Variants in CDKAL1 observed in about 807,000 individuals in gnomAD.
CDKAL1 encodes CDKAL1 threonylcarbamoyladenosine tRNA methylthiotransferase, also known as threonylcarbamoyladenosine tRNA methylthiotransferase.
Under a neutral mutation model 68.2 loss-of-function variants are expected in CDKAL1, and 32 were observed. That is an observed-to-expected ratio of 0.47 (90% CI 0.35 to 0.63). The LOEUF (loss-of-function observed/expected upper bound fraction) is 0.63, where lower values mean the gene tolerates loss of function less well. Ranked by LOEUF, CDKAL1 falls within the 30% of genes least tolerant of loss-of-function variation. The pLI is 0.00. For synonymous variants in CDKAL1, 234 were observed against 244.3 expected (o/e 0.96, Z 0.39); for missense variants, 606 against 696.7 (o/e 0.87, Z 1.47).
intron 4 of CDKAL1, among the ~76,000 whole-genome samples, chr6:20,612,611 TGTTGA>T (rs1766669185): frequency 6.6e-6 from 1 of 152,116 alleles, no homozygotes; most frequent in South Asian, 2.1e-4. Flanking sequence ...TTTTTTTTGC[TGTTGA>T]GTTCCTTATA....
chr6:21,228,253 T>C (rs1779827683), intron 15 of CDKAL1, among the ~76,000 whole-genome samples: 1 of 152,192 alleles, frequency 6.6e-6, no homozygotes. Flanking sequence ...AAAATCTGGG[T>C]CCACTCCTGG....
intron 10 of CDKAL1, among the ~76,000 whole-genome samples, chr6:20,989,561 A>T (rs1347627893): frequency 6.6e-6 from 1 of 152,216 alleles, no homozygotes; most frequent in Non-Finnish European, 1.5e-5. Context: ...TATTTAAGAG[A>T]AGCCAATAAA....
chr6:21,138,765 C>T (rs191146557), intron 13 of CDKAL1, among the ~76,000 whole-genome samples: 1 of 152,156 alleles, frequency 6.6e-6, no homozygotes, highest in East Asian at 1.9e-4. Flanking sequence ...AATACATTAC[C>T]ATAAGACTTA....
chr6:20,606,076 T>C (rs1392118662), intron 4 of CDKAL1, among the ~76,000 whole-genome samples: 1 of 152,188 alleles, frequency 6.6e-6, no homozygotes, highest in African/African-American at 2.4e-5. Context: ...ACTTCATTTG[T>C]TTTCCGTCTC....
intron 4 of CDKAL1, among the ~76,000 whole-genome samples, chr6:20,564,371 T>C (rs1388094867): frequency 6.6e-6 from 1 of 152,248 alleles, no homozygotes; most frequent in Admixed American, 6.5e-5. Flanking sequence ...TTCCTAAATA[T>C]ACCAAAAGAT....
At chr6:21,086,856 A>C (rs1444420582) in intron 12 of CDKAL1, among the ~76,000 whole-genome samples, 1 of 152,188 alleles carries the variant, frequency 6.6e-6, no homozygotes, top group Non-Finnish European at 1.5e-5. Context: ...GAAATTTACA[A>C]AGGTTAAAAA....
At chr6:20,962,943 C>G (rs115201530) in intron 10 of CDKAL1, among the ~76,000 whole-genome samples, 1 of 152,010 alleles carries the variant, frequency 6.6e-6, no homozygotes, top group Non-Finnish European at 1.5e-5. Context: ...CTGGCACTTG[C>G]GAATAAATTT....
At chr6:20,769,673 C>T (rs1774855071) in intron 7 of CDKAL1, among the ~76,000 whole-genome samples, 1 of 152,148 alleles carries the variant, frequency 6.6e-6, no homozygotes, top group African/African-American at 2.4e-5. Context: ...AAGTCCCTTG[C>T]CATCTTGCTT....
At chr6:20,797,881 A>G (rs1776180533) in intron 8 of CDKAL1, among the ~76,000 whole-genome samples, 1 of 151,172 alleles carries the variant, frequency 6.6e-6, no homozygotes, top group South Asian at 2.1e-4. Context: ...TAGTGGCGCA[A>G]CCACGGTTCG....
intron 9 of CDKAL1, among the ~76,000 whole-genome samples, chr6:20,847,890 T>C (rs1177071782): frequency 6.6e-6 from 1 of 152,142 alleles, no homozygotes; most frequent in African/African-American, 2.4e-5. Flanking sequence ...GAAAATACAC[T>C]CCACAGTGTG....
At chr6:21,034,688 C>T (rs1477076411) in intron 11 of CDKAL1, among the ~76,000 whole-genome samples, 3 of 152,190 alleles carry the variant, frequency 2.0e-5, no homozygotes, top group Non-Finnish European at 4.4e-5. Flanking sequence ...AAGTTTAACA[C>T]ATCAAAGACT....
intron 13 of CDKAL1, among the ~76,000 whole-genome samples, chr6:21,118,470 G>C (rs1774533260): frequency 6.6e-6 from 1 of 152,158 alleles, no homozygotes; most frequent in East Asian, 1.9e-4. Flanking sequence ...ACAGATTCAG[G>C]GTTGCACAAA....
chr6:21,027,619 C>T (rs766893608), intron 11 of CDKAL1, among the ~76,000 whole-genome samples: 11 of 152,174 alleles, frequency 7.2e-5, no homozygotes, highest in Non-Finnish European at 1.3e-4. Context: ...AGCTCAGCTC[C>T]CTTTTCCTGT....
intron 4 of CDKAL1, among the ~76,000 whole-genome samples, chr6:20,581,575 TC>T (rs1765145649): frequency 6.6e-6 from 1 of 152,202 alleles, no homozygotes; most frequent in South Asian, 2.1e-4. Context: ...TTAATGCCAT[TC>T]TTTATGAAAT....
intron 5 of CDKAL1, among the ~76,000 whole-genome samples, chr6:20,722,960 T>C (rs1349117929): frequency 6.6e-6 from 1 of 152,164 alleles, no homozygotes; most frequent in Non-Finnish European, 1.5e-5. Context: ...AGAGCTGTTT[T>C]CATTGCTCAA....
chr6:20,683,263 A>G (rs959045577), intron 5 of CDKAL1, among the ~76,000 whole-genome samples: 1 of 152,216 alleles, frequency 6.6e-6, no homozygotes, highest in Admixed American at 6.5e-5. Flanking sequence ...AACATAGTTC[A>G]TTTTAAAACC....
intron 9 of CDKAL1, among the ~76,000 whole-genome samples, chr6:20,935,608 T>A (rs1338136021): frequency 6.6e-6 from 1 of 152,084 alleles, no homozygotes; most frequent in Non-Finnish European, 1.5e-5. Context: ...TTTTGTACTT[T>A]TAGTAGAGAC....
chr6:20,571,872 A>G (rs1390290736), intron 4 of CDKAL1, among the ~76,000 whole-genome samples: 2 of 152,150 alleles, frequency 1.3e-5, no homozygotes, highest in African/African-American at 4.8e-5. Flanking sequence ...AATTTTTGGT[A>G]GAAAAATGTC....
chr6:20,588,444 T>A (rs1230261548), intron 4 of CDKAL1, among the ~76,000 whole-genome samples: 1 of 152,200 alleles, frequency 6.6e-6, no homozygotes, highest in African/African-American at 2.4e-5. Flanking sequence ...ATTATAAACA[T>A]TTATAAATGT....
Sources: gnomAD v4.1 joint callset for allele counts (sites outside exome capture counted in the v4.1 genomes callset) on GRCh38, gnomAD v4.1.1 for gene constraint, MANE v1.5 for transcripts, NCBI Gene and HGNC (gene_info 2026-07-23, HGNC 2026-07-21) for gene names.